KLF12: variants seen among roughly 807,000 people sequenced by gnomAD.
The protein encoded by KLF12 is KLF transcription factor 12, also known as Krueppel-like factor 12.
A neutral mutation model predicts 37.8 loss-of-function variants in KLF12; 9 were observed. The ratio of observed to expected loss-of-function variants is 0.24; its 90% CI spans 0.14 to 0.42. The LOEUF is 0.42. Among genes scored for constraint, KLF12 ranks in the 10% least tolerant of loss-of-function variants. The probability of loss-of-function intolerance (pLI) is 1.00; values close to 1 mark genes in which losing one functional copy is unlikely to be tolerated. For missense variants in KLF12, 411 were observed against 516.0 expected, an observed-to-expected ratio of 0.80 and a Z score of 1.97; for synonymous variants, 208 against 202.1, an observed-to-expected ratio of 1.03 and a Z score of -0.25.
At chr13:74,166,324 T>A in the KLF12 span, among the ~76,000 whole-genome samples, 4,000 of 152,208 alleles carry the variant, frequency 0.026, 79 homozygotes, top group Middle Eastern at 0.075. Context: ...ACTCCTGGGC[T>A]CAAGGTGATT....
At chr13:74,136,542 T>C (rs79392341), upstream of KLF12, among the ~76,000 whole-genome samples, 393 of 152,346 alleles carry the variant, frequency 2.6e-3, 5 homozygotes, top group African/African-American at 8.5e-3. Context: ...GTGGCAGTTC[T>C]TGTACTAACA....
chr13:73,743,391 T>C (rs1878139155), intron 6 of KLF12, among the ~76,000 whole-genome samples: 1 of 152,240 alleles, frequency 6.6e-6, no homozygotes. Context: ...GGATCAACTC[T>C]TCTTGTATAG....
chr13:73,914,764 G>C (rs539800129), intron 3 of KLF12, among the ~76,000 whole-genome samples: 1 of 152,186 alleles, frequency 6.6e-6, no homozygotes, highest in African/African-American at 2.4e-5. Flanking sequence ...TGGTCTGGGT[G>C]GGGGGTGATG....
rs1878416192 is a variant in KLF12 at position 74,133,886 on chromosome 13, CGCAGAG to C, written c.-185_-180del. On this transcript the variant is annotated 5_prime_UTR_variant, in exon 1 of 8. Coordinates refer to ENST00000377669, the MANE Select transcript of KLF12 (RefSeq NM_007249.5). The stretch of plus-strand genomic sequence containing the variant: ...ACGGCGTCACCCGCGCACACGCACA[CGCAGAG>C]CCTCTCAGCGGCTCTCTGCAGTTCT... Among the ~76,000 whole-genome samples the C allele has an allele frequency of 6.6e-6, 1 of 152,162 alleles. No individual in the cohort carries two copies. The highest frequency in any genetic ancestry group is 2.4e-5 in the African/African-American group (1 of 41,440).
At chr13:73,838,979 G>A (rs146901535) in intron 4 of KLF12, among the ~76,000 whole-genome samples, 113 of 152,192 alleles carry the variant, frequency 7.4e-4, no homozygotes, top group African/African-American at 2.5e-3. Flanking sequence ...CCTTGCTCAA[G>A]TCTCACTCCC....
chr13:74,281,352 C>T, the KLF12 span, among the ~76,000 whole-genome samples: 5 of 151,968 alleles, frequency 3.3e-5, no homozygotes, highest in Admixed American at 6.6e-5. Context: ...CCCTCTTTCC[C>T]GCAAAACCTT....
chr13:73,937,569 AACCATTACAGC>A (rs146338933), intron 3 of KLF12, among the ~76,000 whole-genome samples: 12,049 of 152,242 alleles, frequency 0.079, 646 homozygotes, highest in Non-Finnish European at 0.12. Context: ...TGGTACCTTG[AACCATTACAGC>A]ACCATCAGAG....
At chr13:74,138,120 ACT>A (rs1461186066), upstream of KLF12, among the ~76,000 whole-genome samples, 1 of 152,170 alleles carries the variant, frequency 6.6e-6, no homozygotes, top group Non-Finnish European at 1.5e-5. Flanking sequence ...TAAGGTAAAA[ACT>A]CTGTTCAATA....
chr13:74,282,829 G>A, the KLF12 span, among the ~76,000 whole-genome samples: 5,154 of 152,192 alleles, frequency 0.034, 281 homozygotes, highest in African/African-American at 0.12. Context: ...CTTAGGGCAA[G>A]GCACTTAACT....
chr13:74,264,515 G>T, the KLF12 span, among the ~76,000 whole-genome samples: 1 of 152,264 alleles, frequency 6.6e-6, no homozygotes, highest in East Asian at 1.9e-4. Context: ...TATATGGGAG[G>T]ATTTGAAGGA....
At chr13:73,767,498 C>G (rs1418574989) in intron 5 of KLF12, among the ~76,000 whole-genome samples, 1 of 152,154 alleles carries the variant, frequency 6.6e-6, no homozygotes, top group Non-Finnish European at 1.5e-5. Flanking sequence ...CCACGCTGAA[C>G]AAAAGGGCAA....
At chr13:74,101,261 C>G (rs1204819552) in intron 1 of KLF12, among the ~76,000 whole-genome samples, 3 of 152,248 alleles carry the variant, frequency 2.0e-5, no homozygotes, top group Non-Finnish European at 4.4e-5. Flanking sequence ...ACTTTCTCCT[C>G]TCCCCTGTGA....
intron 1 of KLF12, among the ~76,000 whole-genome samples, chr13:74,019,594 C>T (rs920458971): frequency 9.2e-5 from 14 of 152,192 alleles, no homozygotes; most frequent in Admixed American, 2.6e-4. Context: ...AAGTAGGTAG[C>T]AGATCAATAT....
chr13:74,252,303 T>C, the KLF12 span, among the ~76,000 whole-genome samples: 1 of 152,228 alleles, frequency 6.6e-6, no homozygotes, highest in African/African-American at 2.4e-5. Flanking sequence ...TCACACATTA[T>C]GACTTAGGCT....
At chr13:73,750,506 G>A (rs531820123) in intron 6 of KLF12, among the ~76,000 whole-genome samples, 219 of 152,226 alleles carry the variant, frequency 1.4e-3, no homozygotes, top group African/African-American at 5.1e-3. Context: ...CATTACACAC[G>A]GGCCAACAAA....
chr13:74,278,695 A>C, the KLF12 span, among the ~76,000 whole-genome samples: 1 of 152,050 alleles, frequency 6.6e-6, no homozygotes, highest in Non-Finnish European at 1.5e-5. Flanking sequence ...GCCTTTTCTC[A>C]CCTTTTCCTA....
chr13:73,914,901 C>T (rs1342995886), intron 3 of KLF12, among the ~76,000 whole-genome samples: 8 of 152,014 alleles, frequency 5.3e-5, no homozygotes, highest in Non-Finnish European at 1.2e-4. Context: ...TTCCATTTTA[C>T]ATTCTGTATT....
At chr13:73,980,881 T>TG (rs1202750581) in intron 2 of KLF12, among the ~76,000 whole-genome samples, 1 of 152,194 alleles carries the variant, frequency 6.6e-6, no homozygotes, top group African/African-American at 2.4e-5. Context: ...TGTTGCAGGC[T>TG]GGGCACAGTG....
chr13:73,928,039 G>C (rs1889485759), intron 3 of KLF12, among the ~76,000 whole-genome samples: 1 of 151,992 alleles, frequency 6.6e-6, no homozygotes, highest in Admixed American at 6.6e-5. Context: ...TGTATTTTTA[G>C]TAGAGACGGG....
Sources: allele counts gnomAD v4.1 joint callset (sites outside exome capture counted in the v4.1 genomes callset), GRCh38; gene constraint gnomAD v4.1.1; transcripts MANE v1.5; gene names NCBI Gene and HGNC (gene_info 2026-07-23, HGNC 2026-07-21).